The following GTF2H1 variants were observed in gnomAD, a reference collection of about 807,000 sequenced individuals.
The protein encoded by GTF2H1 is general transcription factor IIH subunit 1.
GTF2H1 carries 16 observed loss-of-function variants against 71.2 expected under a neutral mutation model. That is an observed-to-expected ratio of 0.22 (90% CI 0.15 to 0.34). The LOEUF (loss-of-function observed/expected upper bound fraction) is 0.34. Ranked by LOEUF, GTF2H1 falls within the 10% of genes least tolerant of loss-of-function variation. The pLI is 1.00. For synonymous variants in GTF2H1, 215 were observed against 219.0 expected (o/e 0.98, Z 0.16); for missense variants, 498 against 648.2 (o/e 0.77, Z 2.52).
At chr11:18,343,185 G>T (rs1865202758) in intron 7 of GTF2H1, among the ~76,000 whole-genome samples, 1 of 152,216 alleles carries the variant, frequency 6.6e-6, no homozygotes, top group Admixed American at 6.5e-5. Flanking sequence ...GCCTCCCAAA[G>T]TGCAGGGATT....
In GTF2H1 at chr11:18,341,410, G is replaced by A; in HGVS notation, c.757G>A (p.Gly253Ser). Residue 253 changes from glycine to serine, a missense_variant and splice_region_variant, in exon 6 of 15, where the codon GGC becomes AGC. By Grantham distance (56) the Gly-to-Ser change is moderately conservative. Around this residue, in one of 3 missense-constraint regions of GTF2H1, gnomAD observed 216 missense variants for 306.2 expected, o/e 0.71. Coordinates refer to ENST00000265963, the MANE Select transcript of GTF2H1 (RefSeq NM_005316.4). ...AGAATGTGCCAAAATAGATGAAAAA[G>A]GTAACTGTTTATCTCTGATAGACAC... is the stretch of plus-strand genomic sequence containing the variant. ...FAECAKIDEKGLKTMVSLGVK... is the reference protein window; with the variant it reads ...FAECAKIDEKSLKTMVSLGVK... 1 of 1,613,538 alleles carries A rather than the reference G, an allele frequency of 6.2e-7. No homozygotes were observed. The highest frequency in any genetic ancestry group is 8.5e-7 in the Non-Finnish European group (1 of 1,179,800).
chr11:18,326,279 T>C (rs1252513456), intron 1 of GTF2H1: 1 of 152,228 alleles, frequency 6.6e-6, no homozygotes, highest in Non-Finnish European at 1.5e-5. Context: ...CCCAGCACTT[T>C]GGGAGGCTGA....
At chr11:18,333,253 ATGTATT>A in intron 2 of GTF2H1, 25 bp downstream of exon 2, 1 of 1,497,632 alleles carries the variant, frequency 6.7e-7, no homozygotes, top group South Asian at 1.2e-5. Context: ...CTAAGTTCTG[ATGTATT>A]TGTATGTCAT....
At chr11:18,356,789 T>G (rs1398487382) in intron 11 of GTF2H1, among the ~76,000 whole-genome samples, 3 of 12,396 alleles carry the variant, frequency 2.4e-4, no homozygotes, top group Non-Finnish European at 4.4e-4. Flanking sequence ...CAATCTTTGT[T>G]TTTTTTTTTT....
chr11:18,347,543 A>G, intron 7 of GTF2H1, 45 bp from the exon 8 acceptor site: 2 of 1,443,884 alleles, frequency 1.4e-6, no homozygotes, highest in Non-Finnish European at 1.8e-6. Context: ...ATAATAAGAA[A>G]AGCAGAACCT....
At chr11:18,339,444 T>C in intron 4 of GTF2H1, 120 bp from the exon 5 acceptor site, 1 of 612,028 alleles carries the variant, frequency 1.6e-6, no homozygotes, top group Non-Finnish European at 2.9e-6. Flanking sequence ...GTGAGGGACT[T>C]TCTCTGTCTA....
chr11:18,331,793 C>T (rs965356746), intron 1 of GTF2H1, among the ~76,000 whole-genome samples: 1 of 152,090 alleles, frequency 6.6e-6, no homozygotes, highest in African/African-American at 2.4e-5. Context: ...CTTATTTTCC[C>T]ATTATGTTCA....
chr11:18,365,970 G>A lies in GTF2H1; in HGVS notation c.*101G>A. The A allele has an allele frequency of 2.6e-6, 2 of 755,926 alleles. No homozygotes were observed. The highest frequency in any genetic ancestry group is 3.1e-5 in the South Asian group (2 of 65,524). The allele number at this position is 755,926 out of a possible 1,614,324, so 46.8% of individuals were successfully genotyped here. A position where few individuals can be genotyped will look rare whatever the true frequency, so the allele number is the denominator to read the frequency against. On this transcript the variant is annotated 3_prime_UTR_variant, in exon 15 of 15. Transcript: ENST00000265963. ...CAGACAAGCAGATGACCTCACAGGA[G>A]TGATAAGAAACATCTGCTCCACGCC...
At chr11:18,332,981 G>A (rs183662896) in intron 1 of GTF2H1, 79 bp from the exon 2 acceptor site, 2 of 852,590 alleles carry the variant, frequency 2.3e-6, no homozygotes, top group East Asian at 5.5e-5. Context: ...ATATTTGAAA[G>A]GGACTCTAGA....
At chr11:18,352,627 C>T (rs775828941) in intron 11 of GTF2H1, among the ~76,000 whole-genome samples, 181 bp downstream of exon 11, 9 of 152,108 alleles carry the variant, frequency 5.9e-5, no homozygotes, top group Non-Finnish European at 1.0e-4. Flanking sequence ...CAAGAGGCAT[C>T]TGAAGATAAG....
At position 18,334,887 on chromosome 11, in the gene GTF2H1, A is replaced by G. The variant is rs189419012; in HGVS notation, c.155-867A>G. On this transcript the variant is annotated intron_variant, in intron 2 of 14. Coordinates refer to ENST00000265963, the MANE Select transcript of GTF2H1 (RefSeq NM_005316.4). ...TCACACTGAAAACATTTTAATAAAA[A>G]ATAGCCATTGTTACATTTCCATTGG... 5.3e-4 allele frequency among the ~76,000 whole-genome samples: 81 copies of G among 152,346 alleles called. 1 individual carries two copies. The highest frequency in any genetic ancestry group is 4.8e-3 in the Admixed American group (74 of 15,300).
In GTF2H1 at chr11:18,341,279, A is replaced by G; in HGVS notation, c.626A>G (p.Glu209Gly). ...TCCACAGTAAAAATGAAATATGCAGAAAATGTTCCCCACAACATGACAGAG... is the reference window on the plus strand; with the variant it reads ...TCCACAGTAAAAATGAAATATGCAGGAAATGTTCCCCACAACATGACAGAG... ...TYPAVKMKYAENVPHNMTEKE... is the reference protein window; with the variant it reads ...TYPAVKMKYAGNVPHNMTEKE... Residue 209 changes from glutamate to glycine, a missense_variant, in exon 6 of 15, where the codon GAA (glutamate) becomes GGA (glycine). By Grantham distance (98) the Glu-to-Gly change is moderately conservative. Coordinates refer to ENST00000265963, the MANE Select transcript of GTF2H1 (RefSeq NM_005316.4). 1 of 1,610,608 alleles carries G rather than the reference A, an allele frequency of 6.2e-7. No homozygotes were observed. The highest frequency in any genetic ancestry group is 8.5e-7 in the Non-Finnish European group (1 of 1,179,138).
At chr11:18,349,648 A>G (rs969996877) in intron 9 of GTF2H1, among the ~76,000 whole-genome samples, 3 of 152,190 alleles carry the variant, frequency 2.0e-5, no homozygotes, top group African/African-American at 4.8e-5. Flanking sequence ...GCGTCGCTGC[A>G]CTCCAGCCTG....
At chr11:18,323,786 G>T (rs1329701416) in intron 1 of GTF2H1, among the ~76,000 whole-genome samples, 2 of 151,242 alleles carry the variant, frequency 1.3e-5, no homozygotes, top group Non-Finnish European at 2.9e-5. Flanking sequence ...TATCCTAGAG[G>T]CCACTCCTTG....
chr11:18,335,791 G>A lies in GTF2H1; in HGVS notation c.192G>A (p.Gln64=), dbSNP rs201824740. 1.2e-6 allele frequency: 2 copies of A among 1,613,888 alleles called. No homozygotes were observed. The highest frequency in any genetic ancestry group is 2.2e-5 in the East Asian group (1 of 44,870). The stretch of plus-strand genomic sequence containing the variant: ...GTCCAGAAGGAAAAGCTAAAATTCA[G>A]CTTCAGCTGGTCCTACATGCAGGGG... ...KISPEGKAKI[Q]LQLVLHAGDT... is the part of the protein sequence containing the mutation. The change falls in exon 3 of 15, where the codon CAG becomes CAA. Residue 64 remains glutamine, a synonymous_variant. Transcript: ENST00000265963.
rs1311333636 is a variant in GTF2H1, at chr11:18,363,669, A to G, written c.1561-2114A>G. 2.0e-5 allele frequency among the ~76,000 whole-genome samples: 3 copies of G among 152,198 alleles called. No individual in the cohort carries two copies. The East Asian group carries it at 5.8e-4, about 29-fold the overall frequency. On this transcript the variant is annotated intron_variant, in intron 14 of 14. Transcript: ENST00000265963. ...TAAAATACAAAACAGCATTACTTATAATCAGATAGAAGCTTGGAGTGTCTT... is the reference window on the plus strand; with the variant it reads ...TAAAATACAAAACAGCATTACTTATGATCAGATAGAAGCTTGGAGTGTCTT...
At chr11:18,335,304 G>T (rs944821818) in intron 2 of GTF2H1, among the ~76,000 whole-genome samples, 1 of 152,162 alleles carries the variant, frequency 6.6e-6, no homozygotes, top group Non-Finnish European at 1.5e-5. Context: ...CAGATTTCTC[G>T]AATATAAAAT....
chr11:18,356,536 G>A (rs1038700944), intron 11 of GTF2H1, among the ~76,000 whole-genome samples: 2 of 152,170 alleles, frequency 1.3e-5, no homozygotes, highest in African/African-American at 4.8e-5. Context: ...TAGTTGTCCA[G>A]TATCTGGCCC....
Position 18,339,719 on chromosome 11 carries a change from T to C in GTF2H1, c.607+62T>C, listed in dbSNP as rs549997382. Reference sequence around the variant, plus strand: ...ATGGATATATTCTATAGTATATCAGTGAAAAACAAAAAGCTTCAGATTCCT... The same window carrying C: ...ATGGATATATTCTATAGTATATCAGCGAAAAACAAAAAGCTTCAGATTCCT... On this transcript the variant is annotated intron_variant, in intron 5 of 14. Transcript: ENST00000265963. 5 of 986,098 alleles carry C rather than the reference T, an allele frequency of 5.1e-6. No individual in the cohort carries two copies. In the Admixed American group the frequency reaches 7.1e-5, roughly 14 times the overall value. The allele number at this position is 986,098 out of a possible 1,614,324, so 61.1% of individuals were successfully genotyped here.
Sources: gnomAD v4.1 joint callset for allele counts (sites outside exome capture counted in the v4.1 genomes callset) on GRCh38, gnomAD v4.1.1 for gene constraint, gnomAD v4.1.1 regional missense constraint, MANE v1.5 for transcripts, NCBI Gene and HGNC (gene_info 2026-07-23, HGNC 2026-07-21) for gene names.